Variants in SDK1 observed in about 807,000 individuals in gnomAD.
The protein encoded by SDK1 is sidekick cell adhesion molecule 1, also known as protein sidekick-1.
Under a neutral mutation model 245.5 loss-of-function variants are expected in SDK1, and 157 were observed. The observed-to-expected ratio is 0.64, with a 90% CI of 0.56 to 0.73. The LOEUF (loss-of-function observed/expected upper bound fraction) is 0.73. Ranked by LOEUF, SDK1 falls within the 30% of genes least tolerant of loss-of-function variation. The pLI is 0.00. For synonymous variants in SDK1, 1,647 were observed against 1,278.5 expected (o/e 1.29, Z -6.15); for missense variants, 3,583 against 3,002.3 (o/e 1.19, Z -4.52).
intron 5 of SDK1, among the ~76,000 whole-genome samples, chr7:3,835,947 T>A (rs960692273): frequency 3.9e-5 from 6 of 152,234 alleles, no homozygotes; most frequent in African/African-American, 1.4e-4. Context: ...ACACACAAGA[T>A]TGTAGGCTGA....
intron 27 of SDK1, among the ~76,000 whole-genome samples, chr7:4,130,906 G>C (rs1451785722): frequency 6.6e-6 from 1 of 152,142 alleles, no homozygotes; most frequent in Admixed American, 6.5e-5. Context: ...TCTTTGCTGA[G>C]TAACTAAATG....
At chr7:3,957,300 C>T (rs1781349101) in intron 7 of SDK1, among the ~76,000 whole-genome samples, 1 of 152,182 alleles carries the variant, frequency 6.6e-6, no homozygotes, top group African/African-American at 2.4e-5. Context: ...GCGCAGGAAA[C>T]ACTGGCAAGA....
chr7:4,257,232 A>T (rs1005346046), intron 44 of SDK1, among the ~76,000 whole-genome samples: 1 of 152,108 alleles, frequency 6.6e-6, no homozygotes, highest in Non-Finnish European at 1.5e-5. Flanking sequence ...GTAATACCCA[A>T]AGTGTTGAGA....
intron 1 of SDK1, among the ~76,000 whole-genome samples, chr7:3,567,098 G>C (rs1779945335): frequency 1.3e-5 from 2 of 152,196 alleles, no homozygotes; most frequent in Admixed American, 1.3e-4. Flanking sequence ...GGATATGCCT[G>C]AGGTATAGCA....
At chr7:4,118,272 A>G (rs1394140318) in intron 25 of SDK1, among the ~76,000 whole-genome samples, 1 of 152,236 alleles carries the variant, frequency 6.6e-6, no homozygotes, top group African/African-American at 2.4e-5. Context: ...AAGGATCGGC[A>G]TAGACATTCC....
At chr7:4,102,031 C>T (rs930288186) in intron 22 of SDK1, among the ~76,000 whole-genome samples, 5 of 152,190 alleles carry the variant, frequency 3.3e-5, no homozygotes, top group Non-Finnish European at 7.4e-5. Flanking sequence ...ACAAAACAAA[C>T]GACAACCCGG....
chr7:4,114,479 C>G (rs1783568114), intron 25 of SDK1, among the ~76,000 whole-genome samples: 1 of 152,162 alleles, frequency 6.6e-6, no homozygotes, highest in Non-Finnish European at 1.5e-5. Flanking sequence ...TCATTGGAAA[C>G]TGGTGATGAT....
intron 14 of SDK1, among the ~76,000 whole-genome samples, chr7:3,993,947 C>T (rs1784526334): frequency 6.6e-6 from 1 of 152,188 alleles, no homozygotes. Flanking sequence ...GATCACTCTC[C>T]CCACACAGAC....
intron 35 of SDK1, among the ~76,000 whole-genome samples, chr7:4,190,561 G>C (rs917851058): frequency 1.3e-5 from 2 of 152,208 alleles, no homozygotes; most frequent in Admixed American, 1.3e-4. Flanking sequence ...AGAAGCCCTC[G>C]CCAAGGAGTG....
chr7:3,432,731 A>C (rs930869866), intron 1 of SDK1, among the ~76,000 whole-genome samples: 1 of 152,182 alleles, frequency 6.6e-6, no homozygotes, highest in Non-Finnish European at 1.5e-5. Context: ...CCGGTTGTGA[A>C]ATAGATGGAT....
intron 5 of SDK1, among the ~76,000 whole-genome samples, chr7:3,947,636 A>G (rs2128123951): frequency 1.3e-5 from 2 of 151,266 alleles, no homozygotes; most frequent in Non-Finnish European, 2.9e-5. Flanking sequence ...CTATATGTGT[A>G]TCTATATCTG....
chr7:4,216,357 G>A (rs1304846369), intron 38 of SDK1, among the ~76,000 whole-genome samples: 3 of 152,128 alleles, frequency 2.0e-5, no homozygotes, highest in African/African-American at 4.8e-5. Flanking sequence ...CCCCACGGCC[G>A]CTGCTCCCAC....
chr7:4,250,872 A>G (rs1322631516), intron 44 of SDK1, among the ~76,000 whole-genome samples: 3 of 152,166 alleles, frequency 2.0e-5, no homozygotes, highest in East Asian at 1.9e-4. Context: ...AGTTTTTGCA[A>G]TCATCCCCAC....
chr7:4,107,213 G>A (rs1287125793), intron 22 of SDK1, among the ~76,000 whole-genome samples: 2 of 151,746 alleles, frequency 1.3e-5, no homozygotes, highest in Non-Finnish European at 2.9e-5. Context: ...CTTAGCAAAG[G>A]TGAATGAGCG....
intron 3 of SDK1, among the ~76,000 whole-genome samples, chr7:3,639,742 A>C (rs1354617257): frequency 6.6e-6 from 1 of 152,116 alleles, no homozygotes; most frequent in East Asian, 1.9e-4. Flanking sequence ...TTCTAATTCA[A>C]AATCTATGAA....
At chr7:3,384,966 A>C (rs905076621) in intron 1 of SDK1, among the ~76,000 whole-genome samples, 2 of 152,190 alleles carry the variant, frequency 1.3e-5, no homozygotes, top group Admixed American at 1.3e-4. Context: ...CAGGATGCAG[A>C]AAACCCTGTC....
chr7:3,439,344 T>C (rs111253954), intron 1 of SDK1, among the ~76,000 whole-genome samples: 1 of 152,224 alleles, frequency 6.6e-6, no homozygotes, highest in South Asian at 2.1e-4. Flanking sequence ...CAAGTCATCA[T>C]ATATGAGTAG....
chr7:3,423,027 G>A (rs966426306), intron 1 of SDK1, among the ~76,000 whole-genome samples: 2 of 152,176 alleles, frequency 1.3e-5, no homozygotes, highest in Non-Finnish European at 2.9e-5. Flanking sequence ...GTTTTAAAGT[G>A]TATCTGTGTC....
At chr7:3,789,727 G>A (rs986446661) in intron 4 of SDK1, among the ~76,000 whole-genome samples, 5 of 152,176 alleles carry the variant, frequency 3.3e-5, no homozygotes, top group African/African-American at 4.8e-5. Context: ...TGTGAGGTAC[G>A]AGGGAAAAGG....
Sources: gnomAD v4.1 joint callset for allele counts (sites outside exome capture counted in the v4.1 genomes callset) on GRCh38, gnomAD v4.1.1 for gene constraint, MANE v1.5 for transcripts, NCBI Gene and HGNC (gene_info 2026-07-23, HGNC 2026-07-21) for gene names.